The following MTIF2 variants were observed in gnomAD, a reference collection of about 807,000 sequenced individuals.
MTIF2 encodes the protein mitochondrial translational initiation factor 2.
A neutral mutation model predicts 83.5 loss-of-function variants in MTIF2; 71 were observed. The ratio of observed to expected loss-of-function variants is 0.85; its 90% confidence interval spans 0.70 to 1.04. The LOEUF (loss-of-function observed/expected upper bound fraction) is 1.04. Ranked by LOEUF, MTIF2 falls within the 50% of genes least tolerant of loss-of-function variation. The pLI is 0.00. For synonymous variants in MTIF2, 319 were observed against 287.1 expected, an observed-to-expected ratio of 1.11 and a Z score of -1.12; for missense variants, 957 against 846.5, an observed-to-expected ratio of 1.13 and a Z score of -1.62.
intron 13 of MTIF2, among the ~76,000 whole-genome samples, chr2:55,241,065 T>G (rs564904442): frequency 6.6e-6 from 1 of 151,744 alleles, no homozygotes; most frequent in South Asian, 2.1e-4. Context: ...TATTTAACTG[T>G]AAATACTTTG....
chr2:55,263,109 C>A (rs1039956463), intron 4 of MTIF2, among the ~76,000 whole-genome samples: 2 of 152,212 alleles, frequency 1.3e-5, no homozygotes, highest in African/African-American at 4.8e-5. Flanking sequence ...GATCTGCCCA[C>A]CTTGGCCTCC....
intron 5 of MTIF2, among the ~76,000 whole-genome samples, chr2:55,256,851 G>A (rs955329280): frequency 3.4e-5 from 5 of 145,672 alleles, no homozygotes; most frequent in Admixed American, 1.4e-4. Context: ...GGGACCACAG[G>A]TGCCACCACT....
intron 9 of MTIF2, among the ~76,000 whole-genome samples, chr2:55,247,767 C>A (rs1319421161): frequency 6.6e-6 from 1 of 152,196 alleles, no homozygotes; most frequent in Non-Finnish European, 1.5e-5. Flanking sequence ...CCCTGCCACT[C>A]TCTTCCAATC....
At position 55,237,427 on chromosome 2, in the gene MTIF2, A is replaced by T. The variant is rs772467750; in HGVS notation, c.1872T>A (p.Gly624=). The T allele has an allele frequency of 1.3e-6, 2 of 1,597,260 alleles. No individual in the cohort carries two copies. Among genetic ancestry groups the T allele is most frequent in the Non-Finnish European group, 1.7e-6 (2 of 1,175,188 alleles). ...AGAAGGTAGCTAGTATAGATGCCTC[A>T]CCTTTAGGAAGAAGAGAACATTAAT... ...LPCAVEEHPV[G]EASILATFSV... The change falls in exon 15 of 16, where the codon GGT becomes GGA. Residue 624 remains glycine, a splice_region_variant and synonymous_variant. Coordinates refer to ENST00000263629, the MANE Select transcript of MTIF2 (RefSeq NM_002453.3).
At chr2:55,243,194 C>T in intron 12 of MTIF2, 114 bp from the exon 13 acceptor site, 1 of 1,186,748 alleles carries the variant, frequency 8.4e-7, no homozygotes, top group South Asian at 1.6e-5. Context: ...TCACTAAATC[C>T]ACTTTTATTT....
intron 9 of MTIF2, among the ~76,000 whole-genome samples, chr2:55,247,224 T>C (rs1257468314): frequency 1.3e-5 from 2 of 152,174 alleles, no homozygotes; most frequent in African/African-American, 4.8e-5. Flanking sequence ...ACTCCTCTTA[T>C]CAGCTAAGAG....
At chr2:55,249,340 G>A in intron 9 of MTIF2, 55 bp downstream of exon 9, 2 of 1,587,222 alleles carry the variant, frequency 1.3e-6, no homozygotes, top group South Asian at 2.3e-5. Context: ...TATACTGTGT[G>A]CATTATGTAC....
In MTIF2 at chr2:55,244,016, A is replaced by G. The variant is rs769489412; in HGVS notation, c.1311+13T>C. 1 of 1,603,656 alleles carries G rather than the reference A, an allele frequency of 6.2e-7. No homozygotes were observed. The highest frequency in any genetic ancestry group is 1.7e-5 in the Admixed American group (1 of 59,562). On this transcript the variant is annotated intron_variant, in intron 11 of 15. Coordinates refer to ENST00000263629, the MANE Select transcript of MTIF2 (RefSeq NM_002453.3). The stretch of plus-strand genomic sequence containing the variant: ...ATATTATATCTAATATATAGGAATT[A>G]AGCTTGATACACCTCAGATTCTACT...
intron 13 of MTIF2, 127 bp downstream of exon 13, chr2:55,242,813 A>G (rs17347634): frequency 0.083 from 76,562 of 919,428 alleles, 3,773 homozygotes; most frequent in Non-Finnish European, 0.1. Flanking sequence ...GGACTGGACT[A>G]TAGCAGGAAG....
intron 5 of MTIF2, among the ~76,000 whole-genome samples, chr2:55,258,046 C>G (rs1021836088): frequency 6.6e-6 from 1 of 152,178 alleles, no homozygotes; most frequent in African/African-American, 2.4e-5. Context: ...TTTGCCTCAG[C>G]CTCTGAAAGT....
chr2:55,258,543 A>G (rs1365914740), intron 5 of MTIF2, among the ~76,000 whole-genome samples: 10 of 151,564 alleles, frequency 6.6e-5, no homozygotes, highest in Non-Finnish European at 1.5e-4. Flanking sequence ...TGGGCGCAGT[A>G]GCTCACGTCT....
Position 55,242,948 on chromosome 2 carries a change from G to A in MTIF2, c.1697C>T (p.Thr566Ile). 5 of 1,607,472 alleles carry A rather than the reference G, an allele frequency of 3.1e-6. No homozygotes were observed. The highest frequency in any genetic ancestry group is 8.5e-7 in the Non-Finnish European group (1 of 1,178,010). The change falls in exon 13 of 16, where the codon ACA becomes ATA. Residue 566 changes from threonine to isoleucine, a missense_variant. Physicochemically the swap from Thr to Ile is moderately conservative, Grantham distance 89 (BLOSUM62 -1). Coordinates refer to ENST00000263629, the MANE Select transcript of MTIF2 (RefSeq NM_002453.3). ...AGAAATGGAATCCTTACCATCAAATGTTTCAGCAAGGTTAACATCATTTGC... is the reference window on the plus strand; with the variant it reads ...AGAAATGGAATCCTTACCATCAAATATTTCAGCAAGGTTAACATCATTTGC... ...VSANDVNLAE[T>I]FDGVIYGFNV...
intron 5 of MTIF2, among the ~76,000 whole-genome samples, chr2:55,261,639 G>A (rs1573916217): frequency 6.6e-6 from 1 of 151,706 alleles, no homozygotes; most frequent in Non-Finnish European, 1.5e-5. Context: ...TGAAAAAAAG[G>A]AAATCAGAAA....
At chr2:55,246,763 A>C (rs1475738768) in intron 9 of MTIF2, among the ~76,000 whole-genome samples, 2 of 152,250 alleles carry the variant, frequency 1.3e-5, no homozygotes, top group Non-Finnish European at 2.9e-5. Context: ...GCTTGTTACT[A>C]TCCCTTTCAT....
chr2:55,263,727 C>T lies in MTIF2; in HGVS notation c.132G>A (p.Trp44Ter). ...AGGGCCAGGCACACAGTTGAGCTGT[C>T]CACACAGGGTAAGCAGATGAAAACC... The part of the protein sequence containing the change: ...RHGFSSAYPV[W>*]TAQLCAWPWP... Residue 44 changes from tryptophan to a stop codon, truncating the protein, a stop_gained, in exon 4 of 16, where the codon TGG becomes TGA. Transcript: ENST00000263629. LOFTEE classifies it high-confidence loss of function. 1 of 1,614,162 alleles carries T rather than the reference C, an allele frequency of 6.2e-7. No individual in the cohort carries two copies. The highest frequency in any genetic ancestry group is 1.3e-5 in the African/African-American group (1 of 75,040).
chr2:55,260,152 C>A (rs545197425), intron 5 of MTIF2, among the ~76,000 whole-genome samples: 20 of 152,218 alleles, frequency 1.3e-4, no homozygotes, highest in African/African-American at 4.3e-4. Context: ...GTAATCTCAG[C>A]ACTTTGGGAG....
At chr2:55,251,640 T>C (rs1264716491) in intron 8 of MTIF2, among the ~76,000 whole-genome samples, 2 of 152,234 alleles carry the variant, frequency 1.3e-5, no homozygotes, top group Non-Finnish European at 2.9e-5. Context: ...AACTTTTTTT[T>C]GAGACGGAGT....
intron 9 of MTIF2, among the ~76,000 whole-genome samples, chr2:55,247,451 G>A (rs529266717): frequency 2.6e-5 from 4 of 152,228 alleles, no homozygotes; most frequent in African/African-American, 9.6e-5. Flanking sequence ...TACTCAGGAG[G>A]CTGAGACAGG....
chr2:55,256,697 T>C (rs1427239550), intron 5 of MTIF2, among the ~76,000 whole-genome samples: 1 of 82,742 alleles, frequency 1.2e-5, no homozygotes, highest in Non-Finnish European at 2.6e-5. Context: ...CGAGACTCCA[T>C]CTCAAAAAAA....
Sources: gnomAD v4.1 joint callset for allele counts (sites outside exome capture counted in the v4.1 genomes callset) on GRCh38, gnomAD v4.1.1 for gene constraint, MANE v1.5 for transcripts, NCBI Gene and HGNC (gene_info 2026-07-23, HGNC 2026-07-21) for gene names.